Variants in SNX8 observed in about 807,000 individuals in gnomAD.
SNX8 encodes the protein sorting nexin 8, also known as sorting nexin-8.
Under a neutral mutation model 51.6 loss-of-function variants are expected in SNX8, and 25 were observed. The observed-to-expected ratio is 0.48, with a 90% CI of 0.35 to 0.68. The LOEUF (loss-of-function observed/expected upper bound fraction) is 0.68. Among genes scored for constraint, SNX8 ranks in the 30% least tolerant of loss-of-function variants. The probability of loss-of-function intolerance (pLI) is 0.00; values close to 1 mark genes in which losing one functional copy is unlikely to be tolerated. For missense variants in SNX8, 695 were observed against 624.0 expected (o/e 1.11, Z -1.21); for synonymous variants, 324 against 277.0 (o/e 1.17, Z -1.68).
chr7:2,311,250 A>G (rs1053863461), intron 1 of SNX8, among the ~76,000 whole-genome samples: 1 of 152,168 alleles, frequency 6.6e-6, no homozygotes, highest in Non-Finnish European at 1.5e-5. Flanking sequence ...CCAAAACTCT[A>G]GAGAAGAGGA....
At chr7:2,335,936 T>C (rs1778821204) in intron 1 of SNX8, among the ~76,000 whole-genome samples, 1 of 150,580 alleles carries the variant, frequency 6.6e-6, no homozygotes, top group Non-Finnish European at 1.5e-5. Context: ...ACCCCATCTC[T>C]ACTAAAATTG....
intron 1 of SNX8, among the ~76,000 whole-genome samples, chr7:2,286,854 T>C (rs552425496): frequency 3.0e-4 from 45 of 152,116 alleles, no homozygotes; most frequent in African/African-American, 1.1e-3. Flanking sequence ...AAAAATTAAT[T>C]TTTTGGCCAG....
chr7:2,334,869 G>GA (rs71023399), intron 1 of SNX8, among the ~76,000 whole-genome samples: 4,483 of 79,904 alleles, frequency 0.056, 595 homozygotes, highest in Middle Eastern at 0.1. Context: ...GCCCATCTCT[G>GA]AAAAAAAAAA....
intron 1 of SNX8, among the ~76,000 whole-genome samples, chr7:2,329,615 A>G (rs1442978462): frequency 6.6e-6 from 1 of 152,128 alleles, no homozygotes; most frequent in Non-Finnish European, 1.5e-5. Flanking sequence ...GGGTCTTAAG[A>G]CCCTTCCCAG....
Position 2,268,902 on chromosome 7 carries a change from TGG to T in SNX8, c.621+655_621+656del, listed in dbSNP as rs751611328. Among the ~76,000 whole-genome samples, 10 of 33,692 alleles carry T rather than the reference TGG, an allele frequency of 3.0e-4. 2 individuals carry two copies. The highest frequency in any genetic ancestry group is 1.1e-3 in the South Asian group (1 of 888). 22.1% of individuals were successfully genotyped at this position (33,692 alleles called of 152,430 possible). On this transcript the variant is annotated intron_variant, in intron 5 of 10. Transcript: ENST00000222990. ...CCAGCCGCCCCGTCCGGGAGGGAGG[TGG>T]GGGGGGGTCAGCCCCCCTGCCTGGC...
At chr7:2,282,972 T>A (rs1795941484) in intron 1 of SNX8, among the ~76,000 whole-genome samples, 1 of 151,584 alleles carries the variant, frequency 6.6e-6, no homozygotes. Flanking sequence ...ATACAAAAAA[T>A]TAGCCGGGCG....
chr7:2,255,055 G>A lies in SNX8; in HGVS notation c.*1C>T, dbSNP rs1253365665. 1.4e-5 allele frequency: 22 copies of A among 1,553,552 alleles called. No individual in the cohort carries two copies. The highest frequency in any genetic ancestry group is 1.7e-5 in the Non-Finnish European group (19 of 1,145,808). On this transcript the variant is annotated 3_prime_UTR_variant, in exon 11 of 11. Transcript: ENST00000222990. ...AGGGAGCACCACCTCAGCCTCAGGCGCTAGTGAGGACACAGGCCGTCCTCC... is the reference window on the plus strand; with the variant it reads ...AGGGAGCACCACCTCAGCCTCAGGCACTAGTGAGGACACAGGCCGTCCTCC...
chr7:2,333,077 C>A (rs1778768566), intron 1 of SNX8, among the ~76,000 whole-genome samples: 1 of 149,448 alleles, frequency 6.7e-6, no homozygotes, highest in African/African-American at 2.5e-5. Flanking sequence ...TTTTTTGTTT[C>A]TTTTAAATTT....
In SNX8 at chr7:2,271,446, G is replaced by A. The variant is rs991963366; in HGVS notation, c.540+404C>T. 2.0e-5 allele frequency among the ~76,000 whole-genome samples: 3 copies of A among 152,222 alleles called. No individual in the cohort carries two copies. The East Asian group carries it at 5.8e-4, about 29-fold the overall frequency. On this transcript the variant is annotated intron_variant, in intron 4 of 10. Coordinates refer to ENST00000222990, the MANE Select transcript of SNX8 (RefSeq NM_013321.4). ...TGCATGTACAACAAGTTAATTCCCGGATGCAGGTGTGGGCTGTGGCTCTGA... is the reference window on the plus strand; with the variant it reads ...TGCATGTACAACAAGTTAATTCCCGAATGCAGGTGTGGGCTGTGGCTCTGA...
chr7:2,321,713 C>CATTT (rs1778517726), intron 1 of SNX8, among the ~76,000 whole-genome samples: 1 of 88,678 alleles, frequency 1.1e-5, no homozygotes, highest in Non-Finnish European at 2.1e-5. Flanking sequence ...CGCGCCCGGC[C>CATTT]TTTTTTTTTT....
At chr7:2,320,487 A>C (rs1382001933) in intron 1 of SNX8, among the ~76,000 whole-genome samples, 1 of 152,080 alleles carries the variant, frequency 6.6e-6, no homozygotes, top group African/African-American at 2.4e-5. Context: ...TTGGGAGGCC[A>C]AGGCAGGAGG....
intron 1 of SNX8, among the ~76,000 whole-genome samples, chr7:2,283,984 G>C (rs937959396): frequency 6.6e-6 from 1 of 152,130 alleles, no homozygotes; most frequent in African/African-American, 2.4e-5. Flanking sequence ...TAGGAGACAT[G>C]GGGTTTCACC....
intron 8 of SNX8, 61 bp from the exon 9 acceptor site, chr7:2,257,575 G>C: frequency 6.3e-7 from 1 of 1,589,840 alleles, no homozygotes; most frequent in Non-Finnish European, 8.5e-7. Context: ...GCCCTGCGGA[G>C]CCGGCCGAGG....
chr7:2,274,139 C>T (rs1795719528), intron 3 of SNX8, among the ~76,000 whole-genome samples: 1 of 152,272 alleles, frequency 6.6e-6, no homozygotes, highest in Non-Finnish European at 1.5e-5. Flanking sequence ...CCTCTGCTCT[C>T]TGCTGCCCTG....
intron 1 of SNX8, among the ~76,000 whole-genome samples, chr7:2,288,930 TTTCC>T: frequency 1.3e-5 from 2 of 152,148 alleles, no homozygotes; most frequent in Admixed American, 1.3e-4. Context: ...AGAGATGAGG[TTTCC>T]CCATGTTGCT....
intron 1 of SNX8, among the ~76,000 whole-genome samples, chr7:2,351,654 A>C (rs924113212): frequency 1.3e-5 from 2 of 151,764 alleles, no homozygotes; most frequent in Admixed American, 6.6e-5. Context: ...AACAGGATGA[A>C]ACCCGTCTCT....
intron 10 of SNX8, 92 bp from the exon 11 acceptor site, chr7:2,255,261 G>A: frequency 1.2e-6 from 1 of 803,804 alleles, no homozygotes; most frequent in Non-Finnish European, 1.9e-6. Flanking sequence ...CCAGTGACAG[G>A]GAGGGAGGGG....
intron 3 of SNX8, among the ~76,000 whole-genome samples, chr7:2,273,655 G>A (rs1268701513): frequency 6.6e-6 from 1 of 151,748 alleles, no homozygotes; most frequent in Non-Finnish European, 1.5e-5. Flanking sequence ...TGTAATCCCA[G>A]CACTTTGGGA....
chr7:2,278,290 TGGGGTGTCG>T lies in SNX8; in HGVS notation c.101_109del (p.Pro34_Pro36del). ...CACGATGGCCTGGGGCTCGATGGCCTGGGGTGTCGGCAGATCTGCAGGGGAGATGGTGAA... is the reference window on the plus strand; with the variant it reads ...CACGATGGCCTGGGGCTCGATGGCCTGCAGATCTGCAGGGGAGATGGTGAA... On this transcript the variant is annotated inframe_deletion, in exon 2 of 11. Coordinates refer to ENST00000222990, the MANE Select transcript of SNX8 (RefSeq NM_013321.4). 1 of 1,579,608 alleles carries T rather than the reference TGGGGTGTCG, an allele frequency of 6.3e-7. No individual in the cohort carries two copies. Among genetic ancestry groups the T allele is most frequent in the Non-Finnish European group, 8.7e-7 (1 of 1,155,056 alleles).
Sources: allele counts gnomAD v4.1 joint callset (sites outside exome capture counted in the v4.1 genomes callset), GRCh38; gene constraint gnomAD v4.1.1; transcripts MANE v1.5; gene names NCBI Gene and HGNC (gene_info 2026-07-23, HGNC 2026-07-21).